The following TENT4A variants were observed in gnomAD, a reference collection of about 807,000 sequenced individuals.
TENT4A encodes DNA polymerase kappa.
In TENT4A, 7 loss-of-function variants were observed where a neutral mutation model predicts 72.8. That is an observed-to-expected ratio of 0.10 (90% CI 0.05 to 0.18). TENT4A has a LOEUF of 0.18. TENT4A is among the 10% of genes least tolerant of loss of function. The probability of loss-of-function intolerance (pLI) is 1.00; values close to 1 mark genes in which losing one functional copy is unlikely to be tolerated. For synonymous variants in TENT4A, 456 were observed against 434.3 expected, an observed-to-expected ratio of 1.05 and a Z score of -0.62; for missense variants, 831 against 1,017.7, an observed-to-expected ratio of 0.82 and a Z score of 2.50.
intron 1 of TENT4A, among the ~76,000 whole-genome samples, chr5:6,715,713 T>G (rs4702387): frequency 0.99 from 150,582 of 152,314 alleles, 74,458 homozygotes; most frequent in East Asian, 1. Flanking sequence ...TTGTAACTCT[T>G]TTTCTCATTT....
rs1253739617 is a variant in TENT4A at position 6,756,797 on chromosome 5, G to C, written c.*1852G>C. 2.0e-5 allele frequency: 3 copies of C among 152,604 alleles called. No individual in the cohort carries two copies. Among genetic ancestry groups the C allele is most frequent in the Non-Finnish European group, 4.4e-5 (3 of 68,048 alleles). The allele number at this position is 152,604 out of a possible 1,614,324, so 9.5% of individuals were successfully genotyped here. On this transcript the variant is annotated 3_prime_UTR_variant, in exon 13 of 13. Coordinates refer to ENST00000230859, the MANE Select transcript of TENT4A (RefSeq NM_006999.6). ...ACATTAAGGAAACCACTACGGGTCT[G>C]GCAGTGCGTGTCCCGTGGGGTGTGC...
chr5:6,752,083 A>G (rs960167037), intron 11 of TENT4A, among the ~76,000 whole-genome samples: 13 of 152,220 alleles, frequency 8.5e-5, no homozygotes, highest in Admixed American at 8.5e-4. Context: ...GAATTATACC[A>G]CAGATAAACT....
intron 1 of TENT4A, among the ~76,000 whole-genome samples, chr5:6,720,850 C>T (rs906348931): frequency 6.6e-6 from 1 of 151,778 alleles, no homozygotes; most frequent in African/African-American, 2.4e-5. Context: ...ATGACTTACC[C>T]AAGAGTCACC....
intron 2 of TENT4A, among the ~76,000 whole-genome samples, chr5:6,738,130 C>G (rs1334696486): frequency 6.6e-6 from 1 of 152,128 alleles, no homozygotes; most frequent in Non-Finnish European, 1.5e-5. Flanking sequence ...GGAGTGGGGC[C>G]TTCTGGAATG....
chr5:6,754,802 G>C lies in TENT4A; in HGVS notation c.2236G>C (p.Gly746Arg). The part of the protein sequence containing the change: ...SMKGSHGHTQ[G>R]GGYSSVGSGG... The stretch of plus-strand genomic sequence containing the variant: ...GAAGGGCTCTCACGGCCACACCCAA[G>C]GCGGCGGCTACAGCTCTGTGGGTAG... The change falls in exon 13 of 13, where the codon GGC becomes CGC. Residue 746 changes from glycine to arginine, a missense_variant. This residue lies in a region of TENT4A where 332 missense variants were observed against 324.3 expected (regional missense o/e 1.02). Coordinates refer to ENST00000230859, the MANE Select transcript of TENT4A (RefSeq NM_006999.6). 1.9e-6 allele frequency: 3 copies of C among 1,602,280 alleles called. No homozygotes were observed. The highest frequency in any genetic ancestry group is 2.6e-6 in the Non-Finnish European group (3 of 1,170,686).
chr5:6,734,304 C>T (rs971370320), intron 1 of TENT4A, among the ~76,000 whole-genome samples: 2 of 152,228 alleles, frequency 1.3e-5, no homozygotes, highest in Admixed American at 6.5e-5. Context: ...TGCTGCCTGG[C>T]CCCCAACCCT....
chr5:6,751,743 G>T (rs1742418701), intron 11 of TENT4A, among the ~76,000 whole-genome samples: 1 of 152,092 alleles, frequency 6.6e-6, no homozygotes. Flanking sequence ...GTATCTACTT[G>T]CGATTATACA....
intron 1 of TENT4A, among the ~76,000 whole-genome samples, chr5:6,734,485 C>A (rs1245711486): frequency 1.3e-5 from 2 of 152,248 alleles, no homozygotes; most frequent in African/African-American, 4.8e-5. Context: ...TCCCTGCTCT[C>A]CTTGAAGAAG....
At position 6,737,393 on chromosome 5, in the gene TENT4A, T is replaced by C. The variant is rs1579475802; in HGVS notation, c.717-117T>C. 15 of 905,124 alleles carry C rather than the reference T, an allele frequency of 1.7e-5. No individual in the cohort carries two copies. The East Asian group carries it at 2.5e-4, about 15-fold the overall frequency. 56.1% of individuals were successfully genotyped at this position (905,124 alleles called of 1,614,324 possible). On this transcript the variant is annotated intron_variant, in intron 1 of 12. Coordinates refer to ENST00000230859, the MANE Select transcript of TENT4A (RefSeq NM_006999.6). ...TCATTTTATACTTTCAGAGGAGAAA[T>C]GAAACTGAATTTCGTGGCCAGAAAT...
intron 1 of TENT4A, among the ~76,000 whole-genome samples, chr5:6,735,115 T>C (rs1741412669): frequency 6.6e-6 from 1 of 152,230 alleles, no homozygotes; most frequent in African/African-American, 2.4e-5. Flanking sequence ...TTTTGACAAA[T>C]TGGAATGCCC....
chr5:6,717,607 A>G (rs1740451565), intron 1 of TENT4A, among the ~76,000 whole-genome samples: 1 of 152,196 alleles, frequency 6.6e-6, no homozygotes, highest in South Asian at 2.1e-4. Flanking sequence ...GAGGAGGTGA[A>G]ATGCTTCTTT....
chr5:6,728,806 A>G (rs550032453), intron 1 of TENT4A, among the ~76,000 whole-genome samples: 30 of 152,352 alleles, frequency 2.0e-4, no homozygotes, highest in Non-Finnish European at 4.1e-4. Context: ...AACTGAAATT[A>G]TTACATTTCC....
rs1742700809 is a variant in TENT4A, at chr5:6,756,372, A to G, written c.*1427A>G. ...AAACGGGGGTCTGGTCTTGCTAAAC[A>G]CTACAGGTAGGTTGGTCTTTGAAGT... On this transcript the variant is annotated 3_prime_UTR_variant, in exon 13 of 13. Transcript: ENST00000230859. The G allele has an allele frequency of 6.6e-6, 1 of 152,594 alleles. No homozygotes were observed. Among genetic ancestry groups the G allele is most frequent in the African/African-American group, 2.4e-5 (1 of 41,444 alleles). 9.5% of individuals were successfully genotyped at this position (152,594 alleles called of 1,614,324 possible).
Position 6,714,131 on chromosome 5 carries a change from A to T in TENT4A, c.148A>T (p.Thr50Ser). 1 of 970,808 alleles carries T rather than the reference A, an allele frequency of 1.0e-6. No individual in the cohort carries two copies. Among genetic ancestry groups the T allele is most frequent in the South Asian group, 4.7e-5 (1 of 21,202 alleles). The allele number at this position is 970,808 out of a possible 1,614,324, so 60.1% of individuals were successfully genotyped here. A position where few individuals can be genotyped will look rare whatever the true frequency, so the allele number is the denominator to read the frequency against. Residue 50 changes from threonine (T) to serine (S), a missense_variant, in exon 1 of 13, where the codon ACG becomes TCG. This residue lies in a region of TENT4A where 302 missense variants were observed against 293.8 expected (regional missense o/e 1.03). Transcript: ENST00000230859. ...CTGCCTCAACTCGCCGGCGCTGGAC[A>T]CGGCGGCCGCGGCGGGGGCGGCCGG... ...YFCLNSPALD[T>S]AAAAGAAGRG...
At chr5:6,746,488 C>A in intron 7 of TENT4A, 61 bp downstream of exon 7, 1 of 1,527,410 alleles carries the variant, frequency 6.5e-7, no homozygotes, top group Non-Finnish European at 9.0e-7. Context: ...GTGCTGGTGA[C>A]AGGGCCTGTG....
At position 6,752,864 on chromosome 5, in the gene TENT4A, T is replaced by C. The variant is rs376694124; in HGVS notation, c.2020-9T>C. 27 of 1,607,294 alleles carry C rather than the reference T, an allele frequency of 1.7e-5. No homozygotes were observed. The African/African-American group carries it at 2.8e-4, about 17-fold the overall frequency. On this transcript the variant is annotated splice_polypyrimidine_tract_variant and intron_variant, in intron 11 of 12. Transcript: ENST00000230859. ...TGGTACCCATGGCCGTCTCTCATTTTGTTCCTAGACCAGGTTTACTATACC... is the reference window on the plus strand; with the variant it reads ...TGGTACCCATGGCCGTCTCTCATTTCGTTCCTAGACCAGGTTTACTATACC...
chr5:6,748,506 A>T lies in TENT4A; in HGVS notation c.1502A>T (p.Lys501Met). 6.2e-7 allele frequency: 1 copy of T among 1,614,124 alleles called. No individual in the cohort carries two copies. The highest frequency in any genetic ancestry group is 8.5e-7 in the Non-Finnish European group (1 of 1,180,014). The change falls in exon 8 of 13, where the codon AAG (lysine) becomes ATG (methionine). Residue 501 changes from lysine to methionine, a missense_variant. This residue lies in a region of TENT4A where 197 missense variants were observed against 399.6 expected (regional missense o/e 0.49). Transcript: ENST00000230859. ...GRSSYGAMQVKQVFDYAYIVL... is the reference protein window; with the variant it reads ...GRSSYGAMQVMQVFDYAYIVL... ...AGCTCCTATGGCGCCATGCAGGTGA[A>T]GCAGGTCTTCGATTATGCCTACATA...
intron 1 of TENT4A, among the ~76,000 whole-genome samples, chr5:6,716,705 A>G (rs1740406965): frequency 6.6e-6 from 1 of 152,212 alleles, no homozygotes; most frequent in Admixed American, 6.5e-5. Flanking sequence ...AGATGCCCCT[A>G]GGTCCTGGCT....
chr5:6,714,695 C>A lies in TENT4A; in HGVS notation c.712C>A (p.Gln238Lys), dbSNP rs1393538224. 2.2e-5 allele frequency: 26 copies of A among 1,191,468 alleles called. No homozygotes were observed. The highest frequency in any genetic ancestry group is 3.2e-5 in the African/African-American group (2 of 62,818). The allele number at this position is 1,191,468 out of a possible 1,614,324, so 73.8% of individuals were successfully genotyped here. The change falls in exon 1 of 13, where the codon CAG becomes AAG. Residue 238 changes from glutamine to lysine, a missense_variant. Coordinates refer to ENST00000230859, the MANE Select transcript of TENT4A (RefSeq NM_006999.6). ...WKSRAYSPGI[Q>K]GLHEEIIDFY... ...GAGCCGCGCGTACAGCCCGGGCATC[C>A]AGGGGTGAGTGCGCGGGGAGGCCGC...
Sources: gnomAD v4.1 joint callset for allele counts (sites outside exome capture counted in the v4.1 genomes callset) on GRCh38, gnomAD v4.1.1 for gene constraint, gnomAD v4.1.1 regional missense constraint, MANE v1.5 for transcripts, NCBI Gene and HGNC (gene_info 2026-07-23, HGNC 2026-07-21) for gene names.